GAB2: variants seen among roughly 807,000 people sequenced by gnomAD.
The protein encoded by GAB2 is GRB2-associated-binding protein 2.
Under a neutral mutation model 65.5 loss-of-function variants are expected in GAB2, and 26 were observed. The ratio of observed to expected loss-of-function variants is 0.40; its 90% CI spans 0.29 to 0.55. The LOEUF is 0.55. Among genes scored for constraint, GAB2 ranks in the 20% least tolerant of loss-of-function variants. The pLI, the probability that GAB2 is intolerant of heterozygous loss-of-function variation, is 0.53. For missense variants in GAB2, 884 were observed against 875.8 expected (o/e 1.01, Z -0.12); for synonymous variants, 321 against 329.6 (o/e 0.97, Z 0.28).
intron 1 of GAB2, among the ~76,000 whole-genome samples, chr11:78,392,658 G>A (rs1347700132): frequency 6.6e-6 from 1 of 152,110 alleles, no homozygotes; most frequent in South Asian, 2.1e-4. Flanking sequence ...TGAAGATGGG[G>A]GTACTGGGGA....
intron 1 of GAB2, among the ~76,000 whole-genome samples, chr11:78,351,401 A>C (rs960511971): frequency 1.3e-5 from 2 of 152,136 alleles, no homozygotes; most frequent in African/African-American, 2.4e-5. Flanking sequence ...CATCCCTTTC[A>C]TCAGGCACCT....
chr11:78,325,017 T>C (rs1038989847), intron 1 of GAB2, among the ~76,000 whole-genome samples: 5 of 152,240 alleles, frequency 3.3e-5, no homozygotes, highest in African/African-American at 1.2e-4. Flanking sequence ...ATTTACACCA[T>C]GGGAATTGGC....
At chr11:78,404,416 G>A (rs1338077842) in intron 1 of GAB2, among the ~76,000 whole-genome samples, 1 of 152,186 alleles carries the variant, frequency 6.6e-6, no homozygotes, top group Non-Finnish European at 1.5e-5. Flanking sequence ...GCCGGGTGGC[G>A]CATGTCTGTA....
intron 3 of GAB2, among the ~76,000 whole-genome samples, chr11:78,241,611 G>GA (rs561166459): frequency 1.5e-3 from 211 of 139,808 alleles, no homozygotes; most frequent in East Asian, 4.8e-3. Flanking sequence ...AAAAGAGAAA[G>GA]AAAAAAAAAA....
chr11:78,310,444 C>T (rs1418453004), intron 1 of GAB2, among the ~76,000 whole-genome samples: 10 of 144,516 alleles, frequency 6.9e-5, no homozygotes, highest in South Asian at 6.6e-4. Context: ...ACCTGGGAGG[C>T]GGAGCTTGCA....
chr11:78,396,430 C>A (rs1856895661), intron 1 of GAB2, among the ~76,000 whole-genome samples: 1 of 152,162 alleles, frequency 6.6e-6, no homozygotes, highest in African/African-American at 2.4e-5. Context: ...CATGTTTACA[C>A]CTCACAGTTT....
intron 3 of GAB2, 22 bp from the exon 4 acceptor site, chr11:78,227,073 G>A (rs1177810646): frequency 1.3e-6 from 2 of 1,493,766 alleles, no homozygotes; most frequent in Non-Finnish European, 1.9e-6. Context: ...AGAAGGGAAA[G>A]GGCAGGAGGG....
At chr11:78,223,084 C>T (rs947507799) in intron 6 of GAB2, among the ~76,000 whole-genome samples, 4 of 152,190 alleles carry the variant, frequency 2.6e-5, no homozygotes, top group Non-Finnish European at 4.4e-5. Flanking sequence ...CTACTCCTCC[C>T]TTTGAATCCT....
chr11:78,219,567 C>G (rs994385647), intron 9 of GAB2, 152 bp from the exon 10 acceptor site: 1 of 695,232 alleles, frequency 1.4e-6, no homozygotes, highest in Non-Finnish European at 2.5e-6. Flanking sequence ...CCTGGCTTCT[C>G]TTTCTGAATG....
At chr11:78,358,404 C>G (rs1381602945) in intron 1 of GAB2, among the ~76,000 whole-genome samples, 1 of 147,626 alleles carries the variant, frequency 6.8e-6, no homozygotes, top group Admixed American at 6.8e-5. Context: ...TGTAACAAAC[C>G]TGCATGTTGT....
At chr11:78,316,293 A>G (rs2134653099) in intron 1 of GAB2, among the ~76,000 whole-genome samples, 1 of 152,284 alleles carries the variant, frequency 6.6e-6, no homozygotes, top group East Asian at 1.9e-4. Context: ...TAACTGTGTG[A>G]GCCAATTCTT....
At chr11:78,363,852 G>T (rs1457656824) in intron 1 of GAB2, among the ~76,000 whole-genome samples, 1 of 151,978 alleles carries the variant, frequency 6.6e-6, no homozygotes, top group Admixed American at 6.6e-5. Flanking sequence ...CCAAACTGCT[G>T]GAAATGTAGG....
At chr11:78,414,903 G>C (rs536501461) in intron 1 of GAB2, among the ~76,000 whole-genome samples, 3 of 152,036 alleles carry the variant, frequency 2.0e-5, no homozygotes, top group African/African-American at 7.2e-5. Flanking sequence ...ATGGAGTCTC[G>C]TTTTGTCACC....
rs368389413 is a variant in GAB2 at position 78,323,770 on chromosome 11, C to T, written c.76-42869G>A. Among the ~76,000 whole-genome samples, 8 of 148,046 alleles carry T rather than the reference C, an allele frequency of 5.4e-5. No individual in the cohort carries two copies. In the South Asian group the frequency reaches 6.5e-4, roughly 12 times the overall value. ...AATATATCCATGGAACAAACCTACACGTGTACCCCCTGAATCTTTCTTTTT... is the reference window on the plus strand; with the variant it reads ...AATATATCCATGGAACAAACCTACATGTGTACCCCCTGAATCTTTCTTTTT... On this transcript the variant is annotated intron_variant, in intron 1 of 9. Coordinates refer to ENST00000361507, the MANE Select transcript of GAB2 (RefSeq NM_080491.3).
At chr11:78,219,748 T>C (rs762638127) in intron 9 of GAB2, among the ~76,000 whole-genome samples, 6 of 152,192 alleles carry the variant, frequency 3.9e-5, no homozygotes, top group African/African-American at 2.4e-5. Context: ...AGGTCGCTCA[T>C]CCAGGGGAAG....
chr11:78,288,431 C>T (rs567478223), intron 1 of GAB2, among the ~76,000 whole-genome samples: 11 of 133,056 alleles, frequency 8.3e-5, no homozygotes, highest in Non-Finnish European at 1.5e-4. Flanking sequence ...AAAGAAAAAA[C>T]ACAAAAAATC....
At chr11:78,398,140 C>T (rs1324012742) in intron 1 of GAB2, among the ~76,000 whole-genome samples, 2 of 152,196 alleles carry the variant, frequency 1.3e-5, no homozygotes, top group East Asian at 1.9e-4. Flanking sequence ...TAAAACTTAG[C>T]ACTTTCCCCT....
At position 78,291,558 on chromosome 11, in the gene GAB2, TTTC is replaced by T. The variant is rs1204448895; in HGVS notation, c.76-10660_76-10658del. ...ATCTTGAGAGACTTACTTTTTTCTT[TTTC>T]TTTTTTTTTTTTTTTTTTTTTTTTT... On this transcript the variant is annotated intron_variant, in intron 1 of 9. Coordinates refer to ENST00000361507, the MANE Select transcript of GAB2 (RefSeq NM_080491.3). Among the ~76,000 whole-genome samples, 108 of 73,610 alleles carry T rather than the reference TTTC, an allele frequency of 1.5e-3. 20 individuals are homozygous for T. The highest frequency in any genetic ancestry group is 7.2e-3 in the African/African-American group (101 of 13,940). 48.3% of individuals were successfully genotyped at this position (73,610 alleles called of 152,430 possible).
At chr11:78,268,339 CT>C (rs530389483) in intron 2 of GAB2, among the ~76,000 whole-genome samples, 113 of 152,284 alleles carry the variant, frequency 7.4e-4, no homozygotes, top group African/African-American at 2.6e-3. Context: ...AAGACTGTAT[CT>C]ACTGATTTTG....
Sources: gnomAD v4.1 joint callset for allele counts (sites outside exome capture counted in the v4.1 genomes callset) on GRCh38, gnomAD v4.1.1 for gene constraint, MANE v1.5 for transcripts, NCBI Gene and HGNC (gene_info 2026-07-23, HGNC 2026-07-21) for gene names.